The following FARP2 variants were observed in gnomAD, a reference collection of about 807,000 sequenced individuals.
The protein encoded by FARP2 is FERM, ARH/RhoGEF and pleckstrin domain protein 2.
In FARP2, 111 loss-of-function variants were observed where a neutral mutation model predicts 130.5. The ratio of observed to expected loss-of-function variants is 0.85; its 90% confidence interval spans 0.73 to 1.00. The LOEUF is 1.00. Ranked by LOEUF, FARP2 falls within the 50% of genes least tolerant of loss-of-function variation. The pLI is 0.00. For synonymous variants in FARP2, 504 were observed against 516.9 expected (o/e 0.98, Z 0.34); for missense variants, 1,385 against 1,346.3 (o/e 1.03, Z -0.45).
At chr2:241,474,801 T>TAATAATAAATA (rs1553733954) in intron 18 of FARP2, among the ~76,000 whole-genome samples, 9 of 140,312 alleles carry the variant, frequency 6.4e-5, no homozygotes, top group East Asian at 2.1e-4. Flanking sequence ...CTAATAATAA[T>TAATAATAAATA]AATAAATAAA....
rs758150181 is a variant in FARP2, at chr2:241,482,511, G to A, written c.2263-954G>A. Among the ~76,000 whole-genome samples, 4 of 152,224 alleles carry A rather than the reference G, an allele frequency of 2.6e-5. No homozygotes were observed. Among genetic ancestry groups the A allele is most frequent in the African/African-American group, 4.8e-5 (2 of 41,448 alleles). On this transcript the variant is annotated intron_variant, in intron 19 of 26. Coordinates refer to ENST00000264042, the MANE Select transcript of FARP2 (RefSeq NM_014808.4). The surrounding 1 kb of genome is among the most constrained non-coding windows in gnomAD (Gnocchi z 4.6). ...GTGGCCTCTCAGAGTAGGGCTAGGA[G>A]GCAGATGTGGAGTGAGAGCCACAAG...
intron 26 of FARP2, chr2:241,493,797 A>C: frequency 2.0e-6 from 1 of 496,464 alleles, no homozygotes; most frequent in South Asian, 3.5e-5. Context: ...GGGTTTCACC[A>C]TGTTGGCCAG....
At chr2:241,356,610 TG>T (rs1471836747) in intron 1 of FARP2, among the ~76,000 whole-genome samples, 1 of 151,244 alleles carries the variant, frequency 6.6e-6, no homozygotes, top group Non-Finnish European at 1.5e-5. Context: ...GCCTGCCGCG[TG>T]GGGGCAGGCG....
At chr2:241,419,793 T>C (rs1197600598) in intron 8 of FARP2, among the ~76,000 whole-genome samples, 2 of 152,238 alleles carry the variant, frequency 1.3e-5, no homozygotes, top group Non-Finnish European at 2.9e-5. Flanking sequence ...TTTTATCTTG[T>C]AATTTTTTTA....
intron 2 of FARP2, among the ~76,000 whole-genome samples, chr2:241,390,039 A>G (rs2150326276): frequency 6.6e-6 from 1 of 152,246 alleles, no homozygotes; most frequent in East Asian, 1.9e-4. Context: ...GTCTCTTCCC[A>G]TCCTTGCTCT....
chr2:241,474,349 AAGAT>A (rs2064398499), intron 18 of FARP2, among the ~76,000 whole-genome samples: 2 of 131,692 alleles, frequency 1.5e-5, no homozygotes, highest in Non-Finnish European at 3.3e-5. Flanking sequence ...AAAAAAAAAA[AAGAT>A]AGAGCTGGAA....
At chr2:241,452,869 A>C (rs2063699808) in intron 13 of FARP2, among the ~76,000 whole-genome samples, 1 of 151,050 alleles carries the variant, frequency 6.6e-6, no homozygotes, top group Admixed American at 6.6e-5. Context: ...TGAACCCAGG[A>C]GGCAGAGATT....
intron 19 of FARP2, among the ~76,000 whole-genome samples, chr2:241,480,054 C>G (rs866483349): frequency 2.6e-5 from 4 of 152,192 alleles, no homozygotes; most frequent in Admixed American, 6.5e-5. Context: ...TGAAAACAGA[C>G]CTTTCTCAGC....
Position 241,403,883 on chromosome 2 carries a change from T to C in FARP2, c.239T>C (p.Val80Ala). 2.5e-6 allele frequency: 4 copies of C among 1,613,910 alleles called. No individual in the cohort carries two copies. Among genetic ancestry groups the C allele is most frequent in the Non-Finnish European group, 3.4e-6 (4 of 1,179,772 alleles). ...CAAGTGTGGAAGCGTTTAAACCTGG[T>C]AGAATGTGACTACTTCGGGATGGAG... ...LTQVWKRLNL[V>A]ECDYFGMEFQ... is the part of the protein sequence containing the mutation. The change falls in exon 3 of 27, where the codon GTA (valine) becomes GCA (alanine). Residue 80 changes from valine (V) to alanine (A), a missense_variant. Physicochemically the swap from Val to Ala is moderately conservative, Grantham distance 64 (BLOSUM62 0). Transcript: ENST00000264042.
rs2065048114 is a variant in FARP2 at position 241,494,420 on chromosome 2, T to G, written c.*295T>G. On this transcript the variant is annotated 3_prime_UTR_variant, in exon 27 of 27. Transcript: ENST00000264042. The surrounding 1 kb of genome is among the most constrained non-coding windows in gnomAD (Gnocchi z 4.9). ...CTGGCTCAAAGACGCAGACAAGGCCTGAGCAGTGCTCTCGGCATCGGACCA... is the reference window on the plus strand; with the variant it reads ...CTGGCTCAAAGACGCAGACAAGGCCGGAGCAGTGCTCTCGGCATCGGACCA... 1.2e-5 allele frequency: 3 copies of G among 245,042 alleles called. No individual in the cohort carries two copies. Among genetic ancestry groups the G allele is most frequent in the Non-Finnish European group, 2.3e-5 (3 of 127,970 alleles). The allele number at this position is 245,042 out of a possible 1,614,324, so 15.2% of individuals were successfully genotyped here.
intron 1 of FARP2, among the ~76,000 whole-genome samples, chr2:241,358,771 C>G (rs2061121241): frequency 6.6e-6 from 1 of 152,140 alleles, no homozygotes; most frequent in South Asian, 2.1e-4. Context: ...AGTCCTTTGA[C>G]CATAGCGTAT....
intron 1 of FARP2, among the ~76,000 whole-genome samples, chr2:241,357,263 C>G (rs1377430253): frequency 6.6e-6 from 1 of 152,144 alleles, no homozygotes; most frequent in Non-Finnish European, 1.5e-5. Flanking sequence ...ATATTTTTGT[C>G]TGGGCCACTG....
At chr2:241,462,167 C>T (rs2064038195) in intron 14 of FARP2, among the ~76,000 whole-genome samples, 1 of 152,208 alleles carries the variant, frequency 6.6e-6, no homozygotes, top group Admixed American at 6.5e-5. Context: ...ATTTTAATGA[C>T]TTTTGTATGG....
intron 2 of FARP2, chr2:241,395,760 A>T (rs557356091): frequency 6.6e-6 from 1 of 151,964 alleles, no homozygotes; most frequent in East Asian, 1.9e-4. Flanking sequence ...ATGTGGGGGG[A>T]AAAAAGGGCT....
chr2:241,428,388 C>T (rs1404384397), intron 8 of FARP2, among the ~76,000 whole-genome samples: 1 of 151,136 alleles, frequency 6.6e-6, no homozygotes, highest in Non-Finnish European at 1.5e-5. Flanking sequence ...GCACTGGCCA[C>T]CATGTCCAGC....
chr2:241,422,362 C>T (rs992620406), intron 8 of FARP2, among the ~76,000 whole-genome samples: 5 of 151,132 alleles, frequency 3.3e-5, no homozygotes, highest in African/African-American at 9.7e-5. Flanking sequence ...AAGATCGTGC[C>T]ACTGCACTCC....
At chr2:241,465,681 A>C in intron 17 of FARP2, 29 of 1,550,924 alleles carry the variant, frequency 1.9e-5, no homozygotes, top group Non-Finnish European at 2.5e-5. Context: ...CAGGCTGCTC[A>C]TGAGTTCACC....
intron 2 of FARP2, among the ~76,000 whole-genome samples, chr2:241,376,167 A>T (rs2061531920): frequency 6.6e-6 from 1 of 152,204 alleles, no homozygotes; most frequent in African/African-American, 2.4e-5. Flanking sequence ...CCTCATGTGC[A>T]GAATCTCATT....
chr2:241,448,038 C>T (rs1409603792), intron 13 of FARP2, among the ~76,000 whole-genome samples: 2 of 151,934 alleles, frequency 1.3e-5, no homozygotes, highest in Admixed American at 1.3e-4. Flanking sequence ...AGCAATTGTA[C>T]CTGCCACACC....
Sources: allele counts gnomAD v4.1 joint callset (sites outside exome capture counted in the v4.1 genomes callset), GRCh38; gene constraint gnomAD v4.1.1; non-coding constraint Gnocchi (gnomAD v3.1); transcripts MANE v1.5; gene names NCBI Gene and HGNC (gene_info 2026-07-23, HGNC 2026-07-21).